The following ATF7IP variants were observed in gnomAD, a reference collection of about 807,000 sequenced individuals.
ATF7IP encodes activating transcription factor 7 interacting protein, also known as activating transcription factor 7-interacting protein 1.
Under a neutral mutation model 106.4 loss-of-function variants are expected in ATF7IP, and 23 were observed. The ratio of observed to expected loss-of-function variants is 0.22; its 90% confidence interval spans 0.16 to 0.31. The LOEUF (loss-of-function observed/expected upper bound fraction) is 0.31, where lower values mean the gene tolerates loss of function less well. Among genes scored for constraint, ATF7IP ranks in the 10% least tolerant of loss-of-function variants. ATF7IP has a pLI of 1.00. For synonymous variants in ATF7IP, 542 were observed against 539.0 expected (o/e 1.01, Z -0.08); for missense variants, 1,334 against 1,524.3 (o/e 0.88, Z 2.08).
intron 1 of ATF7IP, among the ~76,000 whole-genome samples, chr12:14,405,997 T>C (rs1454627496): frequency 6.6e-6 from 1 of 152,224 alleles, no homozygotes; most frequent in African/African-American, 2.4e-5. Context: ...AAAATTATTT[T>C]AAAAGCATTA....
intron 13 of ATF7IP, among the ~76,000 whole-genome samples, chr12:14,488,053 C>T (rs951004772): frequency 2.0e-5 from 3 of 151,968 alleles, no homozygotes; most frequent in Non-Finnish European, 4.4e-5. Context: ...TGGGTCTAAT[C>T]ATATTAAGCA....
intron 1 of ATF7IP, among the ~76,000 whole-genome samples, chr12:14,378,562 A>G (rs7955722): frequency 0.019 from 2,958 of 152,300 alleles, 98 homozygotes; most frequent in African/African-American, 0.068. Flanking sequence ...GGGGTTAGAG[A>G]TAGATTGAGA....
chr12:14,481,519 T>C lies in ATF7IP; in HGVS notation c.3280+334T>C, dbSNP rs905397185. On this transcript the variant is annotated intron_variant, in intron 13 of 14. Transcript: ENST00000261168. ...TCAAACATGTTGTATACCATAAATA[T>C]ATATAATTTTTGTCAATTAAAAAAT... The C allele has an allele frequency of 1.5e-5, 6 of 396,076 alleles. No individual in the cohort carries two copies. The East Asian group carries it at 3.4e-4, about 22-fold the overall frequency. 24.5% of individuals were successfully genotyped at this position (396,076 alleles called of 1,614,324 possible). A position where few individuals can be genotyped will look rare whatever the true frequency, so the allele number is the denominator to read the frequency against.
rs555874647 is a variant in ATF7IP at position 14,435,122 on chromosome 12, AGGAAGGAAGAG to A, written c.1645+709_1645+719del. The stretch of plus-strand genomic sequence containing the variant: ...GAAGGAGGGAGGGAGGGAGACAGGA[AGGAAGGAAGAG>A]GGAAGGAAGGAAGGAAGGAAAAGGG... On this transcript the variant is annotated intron_variant, in intron 3 of 14. Transcript: ENST00000261168. 9.0e-4 allele frequency among the ~76,000 whole-genome samples: 136 copies of A among 151,830 alleles called. 1 individual carries two copies. The East Asian group carries it at 0.016, about 17-fold the overall frequency.
intron 3 of ATF7IP, 28 bp from the exon 4 acceptor site, chr12:14,436,078 G>C: frequency 6.2e-7 from 1 of 1,608,266 alleles, no homozygotes; most frequent in Non-Finnish European, 8.5e-7. Context: ...AAACACCTGA[G>C]TGTGATCATT....
chr12:14,443,660 G>C (rs975512086), intron 5 of ATF7IP, among the ~76,000 whole-genome samples: 17 of 152,144 alleles, frequency 1.1e-4, no homozygotes, highest in African/African-American at 3.9e-4. Context: ...TACCAAAGTT[G>C]AGAATGAGAA....
At chr12:14,413,535 A>G (rs143386363) in intron 1 of ATF7IP, among the ~76,000 whole-genome samples, 1 of 152,324 alleles carries the variant, frequency 6.6e-6, no homozygotes, top group East Asian at 1.9e-4. Flanking sequence ...GAAGAAAACA[A>G]CTTGGTACTG....
At chr12:14,378,349 C>T (rs1289449707) in intron 1 of ATF7IP, among the ~76,000 whole-genome samples, 3 of 152,116 alleles carry the variant, frequency 2.0e-5, no homozygotes, top group Non-Finnish European at 4.4e-5. Context: ...CTGCCTGCCT[C>T]GGCCTCCCAA....
At chr12:14,473,158 A>G (rs1944117349) in intron 10 of ATF7IP, among the ~76,000 whole-genome samples, 1 of 151,770 alleles carries the variant, frequency 6.6e-6, no homozygotes, top group South Asian at 2.1e-4. Context: ...TTTGTTTTCT[A>G]TTCATTTCAT....
chr12:14,394,402 G>C (rs933532759), intron 1 of ATF7IP, among the ~76,000 whole-genome samples: 5 of 151,992 alleles, frequency 3.3e-5, no homozygotes, highest in Non-Finnish European at 7.4e-5. Flanking sequence ...ATTATAAATT[G>C]GTTTTCTTTT....
At chr12:14,391,843 T>C (rs912447640) in intron 1 of ATF7IP, among the ~76,000 whole-genome samples, 1 of 152,164 alleles carries the variant, frequency 6.6e-6, no homozygotes, top group Non-Finnish European at 1.5e-5. Flanking sequence ...TGCCTCAGCC[T>C]CCTGAGTAGC....
At chr12:14,381,266 C>T (rs1370886832) in intron 1 of ATF7IP, among the ~76,000 whole-genome samples, 1 of 152,132 alleles carries the variant, frequency 6.6e-6, no homozygotes, top group African/African-American at 2.4e-5. Flanking sequence ...GAGTCTCATT[C>T]GGTCGCCTAG....
At chr12:14,372,460 C>A (rs374870831) in intron 1 of ATF7IP, among the ~76,000 whole-genome samples, 701 of 120,380 alleles carry the variant, frequency 5.8e-3, no homozygotes, top group Non-Finnish European at 6.3e-3. Context: ...AGCCACTTTT[C>A]AAAAAAAAAA....
At chr12:14,487,342 T>C (rs1430150743) in intron 13 of ATF7IP, among the ~76,000 whole-genome samples, 4 of 151,962 alleles carry the variant, frequency 2.6e-5, no homozygotes, top group Admixed American at 6.5e-5. Flanking sequence ...AGGTCACACC[T>C]TCAACCTCAC....
chr12:14,426,892 A>G (rs1306580788), intron 2 of ATF7IP, among the ~76,000 whole-genome samples: 1 of 151,020 alleles, frequency 6.6e-6, no homozygotes, highest in Non-Finnish European at 1.5e-5. Context: ...CTAAACCTAT[A>G]TAAAGAGACA....
In ATF7IP at chr12:14,425,082, T is replaced by C. The variant is rs369118957; in HGVS notation, c.1167T>C (p.Ser389=). 15 of 1,592,558 alleles carry C rather than the reference T, an allele frequency of 9.4e-6. No individual in the cohort carries two copies. The highest frequency in any genetic ancestry group is 2.7e-5 in the African/African-American group (2 of 73,334). The change falls in exon 2 of 15, where the codon AGT becomes AGC. Residue 389 remains serine, a synonymous_variant. Transcript: ENST00000261168. ...TTGGAGAAGATGCTATATCTAGCAG[T>C]ATGGAAATTGACCAAGGTGAAAAGA... The part of the protein sequence containing the change: ...LALGEDAISS[S]MEIDQGEKNE...
intron 10 of ATF7IP, among the ~76,000 whole-genome samples, chr12:14,475,588 T>C (rs936546024): frequency 4.6e-5 from 7 of 152,230 alleles, no homozygotes; most frequent in Admixed American, 4.6e-4. Flanking sequence ...ACATTTTAAA[T>C]GTCACAAAAT....
At chr12:14,395,333 ATT>A (rs1024505939) in intron 1 of ATF7IP, 1 of 152,070 alleles carries the variant, frequency 6.6e-6, no homozygotes, top group Admixed American at 6.6e-5. Context: ...GTTTTTAAAA[ATT>A]TGTTTGTTTT....
At chr12:14,490,241 A>G (rs1171831247) in intron 13 of ATF7IP, among the ~76,000 whole-genome samples, 1 of 152,170 alleles carries the variant, frequency 6.6e-6, no homozygotes, top group African/African-American at 2.4e-5. Context: ...GGGTCATCCT[A>G]TGGACTTGAT....
Sources: gnomAD v4.1 joint callset for allele counts (sites outside exome capture counted in the v4.1 genomes callset) on GRCh38, gnomAD v4.1.1 for gene constraint, MANE v1.5 for transcripts, NCBI Gene and HGNC (gene_info 2026-07-23, HGNC 2026-07-21) for gene names.